The following PLCG2 variants were observed in gnomAD, a reference collection of about 807,000 sequenced individuals.
PLCG2 encodes phospholipase C gamma 2, also known as 1-phosphatidylinositol 4,5-bisphosphate phosphodiesterase gamma-2.
PLCG2 carries 69 observed loss-of-function variants against 175.6 expected under a neutral mutation model. That is an observed-to-expected ratio of 0.39 (90% CI 0.32 to 0.48). The LOEUF (loss-of-function observed/expected upper bound fraction) is 0.48. Ranked by LOEUF, PLCG2 falls within the 20% of genes least tolerant of loss-of-function variation. PLCG2 has a pLI of 0.91. For missense variants in PLCG2, 1,798 were observed against 1,650.9 expected, an observed-to-expected ratio of 1.09 and a Z score of -1.54; for synonymous variants, 827 against 624.0, an observed-to-expected ratio of 1.33 and a Z score of -4.85.
intron 5 of PLCG2, among the ~76,000 whole-genome samples, chr16:81,867,463 G>A (rs948470006): frequency 3.3e-5 from 5 of 152,190 alleles, no homozygotes; most frequent in African/African-American, 1.2e-4. Flanking sequence ...GGCTAGCACA[G>A]ATAAGGTACC....
intron 26 of PLCG2, chr16:81,935,773 C>T (rs554024140): frequency 1.0e-6 from 1 of 985,264 alleles, no homozygotes; most frequent in Non-Finnish European, 1.2e-6. Flanking sequence ...AGGTGATTCT[C>T]AGTTTGTTCA....
chr16:81,853,559 C>A (rs1317032952), intron 2 of PLCG2, among the ~76,000 whole-genome samples: 1 of 152,152 alleles, frequency 6.6e-6, no homozygotes, highest in Non-Finnish European at 1.5e-5. Context: ...CAACCTGGAT[C>A]CCTCGCATGC....
chr16:81,807,806 G>A (rs1004176720), intron 2 of PLCG2, among the ~76,000 whole-genome samples: 3 of 152,172 alleles, frequency 2.0e-5, no homozygotes, highest in Non-Finnish European at 2.9e-5. Context: ...AGGTGAAGGC[G>A]GGGCTGGCAT....
chr16:81,835,453 G>A (rs895374299), intron 2 of PLCG2, among the ~76,000 whole-genome samples: 24 of 152,042 alleles, frequency 1.6e-4, no homozygotes, highest in Middle Eastern at 6.8e-3. Context: ...AAAATTCGCC[G>A]GGTGTGGTGA....
chr16:81,870,676 C>G (rs1261544441), intron 6 of PLCG2, among the ~76,000 whole-genome samples, 176 bp from the exon 7 acceptor site: 3 of 152,156 alleles, frequency 2.0e-5, no homozygotes. Context: ...TGTTAAATAG[C>G]ATGACTTTTT....
Position 81,946,216 on chromosome 16 carries a change from A to G in PLCG2, c.3523A>G (p.Ile1175Val), listed in dbSNP as rs368684142. Reference protein sequence around the residue: ...VPLKNGYSEDIELASLLVFCE... With the variant: ...VPLKNGYSEDVELASLLVFCE... ...TCTGAAGAATGGGTACAGCGAGGAC[A>G]TAGAGCTGGCTTCCCTCCTGGTTTT... is the stretch of plus-strand genomic sequence containing the variant. The change falls in exon 31 of 33, where the codon ATA becomes GTA. Residue 1175 changes from isoleucine to valine, a missense_variant. Coordinates refer to ENST00000564138, the MANE Select transcript of PLCG2 (RefSeq NM_002661.5). The G allele has an allele frequency of 2.4e-5, 38 of 1,613,866 alleles. 1 individual carries two copies. Among genetic ancestry groups the G allele is most frequent in the Non-Finnish European group, 2.9e-5 (34 of 1,179,880 alleles).
intron 2 of PLCG2, among the ~76,000 whole-genome samples, chr16:81,843,342 T>C (rs756190015): frequency 7.2e-5 from 11 of 152,212 alleles, no homozygotes; most frequent in Non-Finnish European, 1.5e-4. Flanking sequence ...TTTACACTCA[T>C]ACGTGCACAC....
At chr16:81,892,904 T>C (rs554623028) in intron 11 of PLCG2, among the ~76,000 whole-genome samples, 1 of 151,366 alleles carries the variant, frequency 6.6e-6, no homozygotes, top group Non-Finnish European at 1.5e-5. Context: ...CTGGAGTGCA[T>C]TGGTGCGATC....
At chr16:81,860,881 G>A (rs925172603) in intron 5 of PLCG2, among the ~76,000 whole-genome samples, 1 of 152,072 alleles carries the variant, frequency 6.6e-6, no homozygotes. Context: ...GGAGGCTGAG[G>A]CAGGAGAATT....
chr16:81,953,878 C>A (rs1597155365), intron 31 of PLCG2, among the ~76,000 whole-genome samples: 1 of 152,118 alleles, frequency 6.6e-6, no homozygotes, highest in East Asian at 1.9e-4. Flanking sequence ...TAGAAGCATT[C>A]ATAGAAAAGG....
rs187253110 is a variant in PLCG2 at position 81,909,136 on chromosome 16, T to C, written c.1733+545T>C. Among the ~76,000 whole-genome samples, 6 of 152,376 alleles carry C rather than the reference T, an allele frequency of 3.9e-5. No individual in the cohort carries two copies. In the East Asian group the frequency reaches 7.7e-4, roughly 20 times the overall value. On this transcript the variant is annotated intron_variant, in intron 17 of 32. Transcript: ENST00000564138. ...TGCCCTGTGCTAGACACAGTACTTA[T>C]GCCAGACAGACAATGTCTTTGTCCT...
At chr16:81,901,037 G>C (rs923103635) in intron 14 of PLCG2, among the ~76,000 whole-genome samples, 4 of 152,266 alleles carry the variant, frequency 2.6e-5, no homozygotes, top group Admixed American at 1.3e-4. Context: ...CATGATGTGA[G>C]GGAAGGCGTG....
At chr16:81,919,972 A>C (rs1255324546) in intron 20 of PLCG2, among the ~76,000 whole-genome samples, 1 of 152,186 alleles carries the variant, frequency 6.6e-6, no homozygotes, top group Non-Finnish European at 1.5e-5. Context: ...TGAAGTTTTC[A>C]GAGGGTGGTC....
chr16:81,882,614 C>G (rs1232817051), intron 8 of PLCG2, among the ~76,000 whole-genome samples: 1 of 152,184 alleles, frequency 6.6e-6, no homozygotes, highest in Non-Finnish European at 1.5e-5. Flanking sequence ...ATCCCTCCCT[C>G]TGGCCTGCGT....
intron 2 of PLCG2, among the ~76,000 whole-genome samples, chr16:81,850,298 T>C (rs1429188254): frequency 6.6e-6 from 1 of 152,220 alleles, no homozygotes; most frequent in Non-Finnish European, 1.5e-5. Context: ...TTAAGTATTT[T>C]GGGGTGCAAC....
intron 2 of PLCG2, among the ~76,000 whole-genome samples, chr16:81,789,841 T>A: frequency 7.0e-6 from 1 of 142,402 alleles, no homozygotes. Context: ...CCTTCCCACC[T>A]TTGCCCCCCC....
chr16:81,776,975 G>C (rs1006376905), upstream of PLCG2, among the ~76,000 whole-genome samples: 16 of 152,098 alleles, frequency 1.1e-4, no homozygotes, highest in Non-Finnish European at 2.2e-4. Flanking sequence ...TTGGGCTAGG[G>C]GTTGGTTAGC....
At chr16:81,847,975 A>C (rs1218109399) in intron 2 of PLCG2, among the ~76,000 whole-genome samples, 2 of 152,208 alleles carry the variant, frequency 1.3e-5, no homozygotes, top group African/African-American at 2.4e-5. Context: ...AATCCCAGCA[A>C]GTTATTCTGT....
chr16:81,821,991 C>T (rs1246450371), intron 2 of PLCG2, among the ~76,000 whole-genome samples: 2 of 152,124 alleles, frequency 1.3e-5, no homozygotes, highest in Non-Finnish European at 2.9e-5. Flanking sequence ...GCTGAGCCTT[C>T]TCTTTTCCTG....
Sources: gnomAD v4.1 joint callset for allele counts (sites outside exome capture counted in the v4.1 genomes callset) on GRCh38, gnomAD v4.1.1 for gene constraint, MANE v1.5 for transcripts, NCBI Gene and HGNC (gene_info 2026-07-23, HGNC 2026-07-21) for gene names.